Variants in HS3ST4 observed in about 807,000 individuals in gnomAD.
HS3ST4 encodes the protein heparan sulfate glucosamine 3-O-sulfotransferase 4.
Under a neutral mutation model 29.2 loss-of-function variants are expected in HS3ST4, and 17 were observed. That is an observed-to-expected ratio of 0.58 (90% CI 0.40 to 0.87). HS3ST4 has a LOEUF of 0.87. Among genes scored for constraint, HS3ST4 ranks in the 40% least tolerant of loss-of-function variants. The pLI is 0.00. For missense variants in HS3ST4, 627 were observed against 634.5 expected, an observed-to-expected ratio of 0.99 and a Z score of 0.13; for synonymous variants, 314 against 285.7, an observed-to-expected ratio of 1.10 and a Z score of -1.00.
intron 1 of HS3ST4, among the ~76,000 whole-genome samples, chr16:25,715,297 C>A (rs990609531): frequency 7.0e-6 from 1 of 142,154 alleles, no homozygotes. Flanking sequence ...AGTCCGCAGT[C>A]CGGCCTGGGC....
At chr16:25,991,259 T>C (rs1969111198) in intron 1 of HS3ST4, among the ~76,000 whole-genome samples, 1 of 152,256 alleles carries the variant, frequency 6.6e-6, no homozygotes, top group Non-Finnish European at 1.5e-5. Context: ...GTGGAACATT[T>C]CTTGCTTCAA....
chr16:26,044,197 T>A (rs1315749484), intron 1 of HS3ST4, among the ~76,000 whole-genome samples: 2 of 151,986 alleles, frequency 1.3e-5, no homozygotes, highest in Non-Finnish European at 2.9e-5. Flanking sequence ...TGTTTGTACT[T>A]CTGGTGAGTC....
chr16:26,037,478 G>T (rs1050032732), intron 1 of HS3ST4, among the ~76,000 whole-genome samples: 14 of 152,238 alleles, frequency 9.2e-5, no homozygotes, highest in Non-Finnish European at 1.9e-4. Flanking sequence ...GTAAGAGATA[G>T]AACTGGGAGT....
chr16:25,847,755 C>T (rs960844361), intron 1 of HS3ST4, among the ~76,000 whole-genome samples: 1 of 152,054 alleles, frequency 6.6e-6, no homozygotes, highest in African/African-American at 2.4e-5. Flanking sequence ...AGGGTTTGTC[C>T]TCTTTTAAAA....
intron 1 of HS3ST4, among the ~76,000 whole-genome samples, chr16:25,902,087 T>G (rs1338255434): frequency 6.6e-6 from 1 of 152,206 alleles, no homozygotes; most frequent in East Asian, 1.9e-4. Context: ...CATTTCCCCA[T>G]TTCTTCCTCA....
At chr16:26,009,711 C>T (rs1482039865) in intron 1 of HS3ST4, among the ~76,000 whole-genome samples, 1 of 152,240 alleles carries the variant, frequency 6.6e-6, no homozygotes, top group East Asian at 1.9e-4. Context: ...CAGAAATAAC[C>T]TATTTCACTC....
intron 1 of HS3ST4, among the ~76,000 whole-genome samples, chr16:26,115,906 T>G (rs1266089597): frequency 8.5e-5 from 13 of 152,184 alleles, no homozygotes; most frequent in Admixed American, 6.5e-4. Flanking sequence ...CAGGCAACAG[T>G]ATTATCATTC....
intron 1 of HS3ST4, among the ~76,000 whole-genome samples, chr16:25,929,395 A>C (rs1453344849): frequency 6.6e-6 from 1 of 152,066 alleles, no homozygotes. Context: ...GAAGAAAAAA[A>C]AAAGAAAAGA....
At chr16:25,877,846 T>C (rs921147342) in intron 1 of HS3ST4, among the ~76,000 whole-genome samples, 1 of 152,232 alleles carries the variant, frequency 6.6e-6, no homozygotes, top group Non-Finnish European at 1.5e-5. Context: ...TTTCATCATT[T>C]CTTCAGCAGA....
chr16:25,773,171 C>T (rs1478969676), intron 1 of HS3ST4, among the ~76,000 whole-genome samples: 1 of 152,134 alleles, frequency 6.6e-6, no homozygotes, highest in Non-Finnish European at 1.5e-5. Flanking sequence ...CCTTATCTAC[C>T]CACACTTCCC....
At chr16:25,811,927 C>G (rs1361145704) in intron 1 of HS3ST4, among the ~76,000 whole-genome samples, 1 of 152,128 alleles carries the variant, frequency 6.6e-6, no homozygotes, top group Admixed American at 6.5e-5. Context: ...GCGCCCCTAA[C>G]CCCAATGTTG....
chr16:25,709,052 C>G (rs754982272), intron 1 of HS3ST4, among the ~76,000 whole-genome samples: 1 of 151,388 alleles, frequency 6.6e-6, no homozygotes, highest in Non-Finnish European at 1.5e-5. Flanking sequence ...TTTAATGGCT[C>G]ATGTATCTGA....
chr16:26,123,068 C>A (rs1387904698), intron 1 of HS3ST4, among the ~76,000 whole-genome samples: 6 of 144,750 alleles, frequency 4.1e-5, no homozygotes, highest in African/African-American at 1.1e-4. Context: ...AAAAAAAAAA[C>A]CGGGGGCTTG....
intron 1 of HS3ST4, among the ~76,000 whole-genome samples, chr16:26,009,076 G>T (rs146007683): frequency 6.6e-6 from 1 of 152,282 alleles, no homozygotes; most frequent in African/African-American, 2.4e-5. Flanking sequence ...TGTGGTCTTA[G>T]TACCTGTTGT....
chr16:25,989,958 T>C (rs545060786), intron 1 of HS3ST4, among the ~76,000 whole-genome samples: 32 of 152,356 alleles, frequency 2.1e-4, no homozygotes, highest in Non-Finnish European at 3.5e-4. Flanking sequence ...GACAAATATG[T>C]AATGATATAT....
At chr16:25,694,314 T>G (rs1455439530) in intron 1 of HS3ST4, among the ~76,000 whole-genome samples, 1 of 152,248 alleles carries the variant, frequency 6.6e-6, no homozygotes, top group Admixed American at 6.5e-5. Flanking sequence ...TAGAAATAAC[T>G]TAACTGAAGA....
intron 1 of HS3ST4, among the ~76,000 whole-genome samples, chr16:26,108,494 A>G (rs1053474846): frequency 3.9e-5 from 6 of 152,238 alleles, no homozygotes; most frequent in South Asian, 4.1e-4. Context: ...CTTATAAATC[A>G]AAAGGCAGAA....
intron 1 of HS3ST4, among the ~76,000 whole-genome samples, chr16:25,832,553 G>A (rs966985907): frequency 2.0e-5 from 3 of 152,198 alleles, no homozygotes; most frequent in Non-Finnish European, 2.9e-5. Context: ...CATAATAAAT[G>A]TTTTTAAGAA....
chr16:25,872,529 T>C (rs1305159276), intron 1 of HS3ST4, among the ~76,000 whole-genome samples: 1 of 152,194 alleles, frequency 6.6e-6, no homozygotes, highest in Non-Finnish European at 1.5e-5. Flanking sequence ...GTTAGATCAG[T>C]GTCACCTGAG....
Sources: allele counts gnomAD v4.1 joint callset (sites outside exome capture counted in the v4.1 genomes callset), GRCh38; gene constraint gnomAD v4.1.1; transcripts MANE v1.5; gene names NCBI Gene and HGNC (gene_info 2026-07-23, HGNC 2026-07-21).